Variants in PUS1 observed in about 807,000 individuals in gnomAD.
PUS1 encodes the protein pseudouridylate synthase 1 homolog.
A neutral mutation model predicts 38.5 loss-of-function variants in PUS1; 25 were observed. That is an observed-to-expected ratio of 0.65 (90% confidence interval 0.47 to 0.91). PUS1 has a LOEUF of 0.91. Among genes scored for constraint, PUS1 ranks in the 40% least tolerant of loss-of-function variants. The pLI, the probability that PUS1 is intolerant of heterozygous loss-of-function variation, is 0.00. For missense variants in PUS1, 597 were observed against 612.3 expected (o/e 0.97, Z 0.26); for synonymous variants, 282 against 260.4 (o/e 1.08, Z -0.80).
intron 3 of PUS1, among the ~76,000 whole-genome samples, chr12:131,938,716 CTTTTTT>C (rs11289903): frequency 8.5e-6 from 1 of 118,024 alleles, no homozygotes; most frequent in African/African-American, 3.2e-5. Flanking sequence ...ATTTTCATAT[CTTTTTT>C]TTTTTTTTTT....
chr12:131,929,829 G>GGCCGGCCCCCCCCC, intron 1 of PUS1, 33 bp downstream of exon 1: 1 of 1,479,426 alleles, frequency 6.8e-7, no homozygotes, highest in African/African-American at 1.4e-5. Context: ...ACCCCGCTAT[G>GGCCGGCCCCCCCCC]CCCGCCCAGC....
intron 3 of PUS1, chr12:131,932,943 C>G (rs1459160736): frequency 8.4e-6 from 3 of 356,834 alleles, no homozygotes; most frequent in Middle Eastern, 4.3e-4. Flanking sequence ...GGGGAGGCCT[C>G]AGGAAACAGA....
intron 5 of PUS1, 103 bp downstream of exon 5, chr12:131,942,086 C>T (rs115537571): frequency 8.5e-6 from 9 of 1,056,334 alleles, no homozygotes; most frequent in African/African-American, 1.6e-5. Flanking sequence ...CACTTCCCCG[C>T]AAGGCCACAC....
rs1295437033 is a variant in PUS1 at position 131,945,875 on chromosome 12, T to TA, written c.*2295dup. 1 of 152,106 alleles carries TA rather than the reference T, an allele frequency of 6.6e-6. No individual in the cohort carries two copies. The allele number at this position is 152,106 out of a possible 1,614,324, so 9.4% of individuals were successfully genotyped here. A position where few individuals can be genotyped will look rare whatever the true frequency, so the allele number is the denominator to read the frequency against. ...AATAATATGTATATATGGAAGGAAA[T>TA]AAAAAACTATAAAAAAGGGAAGTTG... On this transcript the variant is annotated 3_prime_UTR_variant, in exon 6 of 6. Transcript: ENST00000376649.
At chr12:131,937,390 T>G (rs1890877941) in intron 3 of PUS1, among the ~76,000 whole-genome samples, 1 of 152,244 alleles carries the variant, frequency 6.6e-6, no homozygotes, top group Non-Finnish European at 1.5e-5. Flanking sequence ...ATTTTATTTT[T>G]TGAGATGGAG....
At position 131,941,357 on chromosome 12, in the gene PUS1, C is replaced by G. The variant is rs1299156014; in HGVS notation, c.610C>G (p.Leu204Val). 6 of 1,614,240 alleles carry G rather than the reference C, an allele frequency of 3.7e-6. No individual in the cohort carries two copies. The South Asian group carries it at 4.4e-5, about 12-fold the overall frequency. ...NRCDARTYCY[L>V]LPTFAFAHKD... ...ATGTGATGCCAGGACCTATTGCTAC[C>G]TGCTGCCCACGTTTGCCTTTGCGCA... Residue 204 changes from leucine to valine, a missense_variant, in exon 5 of 6, where the codon CTG becomes GTG. Coordinates refer to ENST00000376649, the MANE Select transcript of PUS1 (RefSeq NM_025215.6). This position sits in a 1 kb window ranked among gnomAD's most constrained non-coding sequence, Gnocchi z 4.4.
chr12:131,929,304 G>C lies in PUS1; in HGVS notation c.-419G>C, dbSNP rs1890465985. ...CAGCCGCGTCGCGAATGGGGCAGGA[G>C]CGAGCCTCTCTGGTCCCGACGCGGG... On this transcript the variant is annotated 5_prime_UTR_variant, in exon 1 of 6. Coordinates refer to ENST00000376649, the MANE Select transcript of PUS1 (RefSeq NM_025215.6). 1 of 191,816 alleles carries C rather than the reference G, an allele frequency of 5.2e-6. No homozygotes were observed. The highest frequency in any genetic ancestry group is 2.3e-5 in the African/African-American group (1 of 42,812). 11.9% of individuals were successfully genotyped at this position (191,816 alleles called of 1,614,324 possible).
rs932567708 is a variant in PUS1 at position 131,942,001 on chromosome 12, G to C, written c.1236+18G>C. On this transcript the variant is annotated intron_variant, in intron 5 of 5. Coordinates refer to ENST00000376649, the MANE Select transcript of PUS1 (RefSeq NM_025215.6). ...GCGCCAAGGTAGGGGCACAGTCCCA[G>C]CAGTGCTCAGCAGAACACAGGCCCA... 3 of 1,594,050 alleles carry C rather than the reference G, an allele frequency of 1.9e-6. No individual in the cohort carries two copies. The highest frequency in any genetic ancestry group is 8.6e-7 in the Non-Finnish European group (1 of 1,166,924).
intron 2 of PUS1, 102 bp from the exon 3 acceptor site, chr12:131,932,073 G>A (rs1383365052): frequency 2.0e-6 from 2 of 975,876 alleles, no homozygotes; most frequent in South Asian, 1.4e-5. Context: ...CACTTCAGGA[G>A]GCCAGAGGAG....
At chr12:131,930,722 CAA>C (rs1890564941) in intron 2 of PUS1, among the ~76,000 whole-genome samples, 2 of 152,158 alleles carry the variant, frequency 1.3e-5, no homozygotes, top group South Asian at 4.1e-4. Context: ...CTCCTGGGCT[CAA>C]GAGATCCTCC....
At chr12:131,936,882 T>C (rs566774719) in intron 3 of PUS1, among the ~76,000 whole-genome samples, 22 of 149,028 alleles carry the variant, frequency 1.5e-4, no homozygotes, top group African/African-American at 5.5e-4. Flanking sequence ...AAAAAAAAAG[T>C]ATACAGTTTA....
At chr12:131,943,190 C>T (rs7955695) in intron 5 of PUS1, among the ~76,000 whole-genome samples, 149,638 of 152,386 alleles carry the variant, frequency 0.98, 73,519 homozygotes, top group East Asian at 1. Context: ...CTGGGCCAGA[C>T]TGGACTGCTG....
intron 3 of PUS1, among the ~76,000 whole-genome samples, chr12:131,936,177 C>T (rs961387841): frequency 6.6e-6 from 1 of 150,806 alleles, no homozygotes; most frequent in African/African-American, 2.4e-5. Flanking sequence ...TGCCACTGCA[C>T]TGCAGCCCGG....
In PUS1 at chr12:131,939,168, T is replaced by C. The variant is rs2136440659; in HGVS notation, c.442-5T>C. On this transcript the variant is annotated splice_region_variant and splice_polypyrimidine_tract_variant and intron_variant, in intron 3 of 5. Transcript: ENST00000376649. The stretch of plus-strand genomic sequence containing the variant: ...CTTCCGTCACCCGTTCTGCTTTGTT[T>C]ACAGGGTGTGTCCGCAGCCGGCCAG... The C allele has an allele frequency of 6.4e-7, 1 of 1,552,310 alleles. No homozygotes were observed. The highest frequency in any genetic ancestry group is 1.2e-5 in the South Asian group (1 of 84,632).
At position 131,932,167 on chromosome 12, in the gene PUS1, T is replaced by C. The variant is rs1890630615; in HGVS notation, c.304-8T>C. 6.2e-7 allele frequency: 1 copy of C among 1,613,756 alleles called. No homozygotes were observed. Among genetic ancestry groups the C allele is most frequent in the African/African-American group, 1.3e-5 (1 of 74,920 alleles). On this transcript the variant is annotated splice_polypyrimidine_tract_variant and splice_region_variant and intron_variant, in intron 2 of 5. Transcript: ENST00000376649. ...AATATAAAATCTGTTTTTGTCTCCT[T>C]TTTCCAGAGGAATGTCGGGTCCTCA...
chr12:131,942,072 G>A lies in PUS1; in HGVS notation c.1236+89G>A. 9.7e-6 allele frequency: 12 copies of A among 1,236,094 alleles called. 1 individual carries two copies. The South Asian group carries it at 1.5e-4, about 16-fold the overall frequency. 76.6% of individuals were successfully genotyped at this position (1,236,094 alleles called of 1,614,324 possible). On this transcript the variant is annotated intron_variant, in intron 5 of 5. Coordinates refer to ENST00000376649, the MANE Select transcript of PUS1 (RefSeq NM_025215.6). ...GGAGTGAGCTGAGGCACAGAGAAGT[G>A]TGTCACTTCCCCGCAAGGCCACACA...
In PUS1 at chr12:131,929,295, G is replaced by T. The variant is rs944122872; in HGVS notation, c.-428G>T. On this transcript the variant is annotated 5_prime_UTR_variant, in exon 1 of 6. The change abolishes an upstream ATG in the 5' untranslated region. Coordinates refer to ENST00000376649, the MANE Select transcript of PUS1 (RefSeq NM_025215.6). ...CGGCTCAGTCAGCCGCGTCGCGAAT[G>T]GGGCAGGAGCGAGCCTCTCTGGTCC... The T allele has an allele frequency of 1.1e-5, 2 of 182,234 alleles. No individual in the cohort carries two copies. Among genetic ancestry groups the T allele is most frequent in the African/African-American group, 4.7e-5 (2 of 42,598 alleles). The allele number at this position is 182,234 out of a possible 1,614,324, so 11.3% of individuals were successfully genotyped here.
At chr12:131,943,280 C>T (rs1165200318) in intron 5 of PUS1, among the ~76,000 whole-genome samples, 2 of 152,216 alleles carry the variant, frequency 1.3e-5, no homozygotes, top group East Asian at 1.9e-4. Context: ...ATTTTATTTT[C>T]CCCTGTGGTC....
chr12:131,932,836 G>A (rs1005903242), intron 3 of PUS1: 2 of 453,886 alleles, frequency 4.4e-6, no homozygotes, highest in Non-Finnish European at 8.8e-6. Flanking sequence ...CCGAGTAGGT[G>A]GGTGTATTAG....
Sources: allele counts gnomAD v4.1 joint callset (sites outside exome capture counted in the v4.1 genomes callset), GRCh38; gene constraint gnomAD v4.1.1; non-coding constraint Gnocchi (gnomAD v3.1); transcripts MANE v1.5; gene names NCBI Gene and HGNC (gene_info 2026-07-23, HGNC 2026-07-21).